SYT1: variants seen among roughly 807,000 people sequenced by gnomAD.
SYT1 encodes the protein synaptotagmin-1.
In SYT1, 8 loss-of-function variants were observed where a neutral mutation model predicts 44.8. The ratio of observed to expected loss-of-function variants is 0.18; its 90% CI spans 0.10 to 0.32. SYT1 has a LOEUF of 0.32. Ranked by LOEUF, SYT1 falls within the 10% of genes least tolerant of loss-of-function variation. SYT1 has a pLI of 1.00. For synonymous variants in SYT1, 154 were observed against 188.8 expected, an observed-to-expected ratio of 0.82 and a Z score of 1.51; for missense variants, 286 against 509.3, an observed-to-expected ratio of 0.56 and a Z score of 4.22.
At chr12:79,317,332 G>A (rs759876919) in intron 8 of SYT1, among the ~76,000 whole-genome samples, 4 of 152,128 alleles carry the variant, frequency 2.6e-5, no homozygotes, top group East Asian at 3.9e-4. Flanking sequence ...AACAACTTCC[G>A]GCACTGGCTG....
At chr12:79,240,149 A>C (rs1318607870) in intron 4 of SYT1, among the ~76,000 whole-genome samples, 1 of 152,206 alleles carries the variant, frequency 6.6e-6, no homozygotes, top group African/African-American at 2.4e-5. Flanking sequence ...AGAGTCTTGA[A>C]AACCATCTTA....
chr12:79,443,326 A>C (rs1593071524), intron 9 of SYT1, among the ~76,000 whole-genome samples: 1 of 152,268 alleles, frequency 6.6e-6, no homozygotes, highest in East Asian at 1.9e-4. Flanking sequence ...GCAATCTAAA[A>C]CCTAAATTCC....
At chr12:79,089,956 A>G (rs1017855871) in intron 3 of SYT1, among the ~76,000 whole-genome samples, 2 of 152,046 alleles carry the variant, frequency 1.3e-5, no homozygotes, top group African/African-American at 4.8e-5. Flanking sequence ...TCCCCATGTG[A>G]TTATTCCAAC....
At chr12:78,876,553 G>A (rs1874087002) in intron 1 of SYT1, among the ~76,000 whole-genome samples, 2 of 129,798 alleles carry the variant, frequency 1.5e-5, no homozygotes, top group Non-Finnish European at 3.2e-5. Flanking sequence ...ATATATGAGT[G>A]TGTGTATATA....
At chr12:79,389,284 A>C (rs1884561606) in intron 9 of SYT1, among the ~76,000 whole-genome samples, 1 of 152,150 alleles carries the variant, frequency 6.6e-6, no homozygotes, top group Non-Finnish European at 1.5e-5. Context: ...AAGACACTGA[A>C]TCTATATTAC....
intron 4 of SYT1, among the ~76,000 whole-genome samples, chr12:79,279,967 A>G (rs1878956987): frequency 6.6e-6 from 1 of 152,184 alleles, no homozygotes; most frequent in African/African-American, 2.4e-5. Context: ...GGAGAACTAC[A>G]AAACACTGAT....
At position 79,019,764 on chromosome 12, in the gene SYT1, G is replaced by A. The variant is rs894488534; in HGVS notation, c.-83-27533G>A. On this transcript the variant is annotated intron_variant, in intron 2 of 10. Transcript: ENST00000261205. ...TAAAACTGCTGATTAGAGAAACCAGGAGTAAAATTTGTCAGTGAAACAAAA... is the reference window on the plus strand; with the variant it reads ...TAAAACTGCTGATTAGAGAAACCAGAAGTAAAATTTGTCAGTGAAACAAAA... Among the ~76,000 whole-genome samples the A allele has an allele frequency of 2.0e-5, 3 of 151,888 alleles. No homozygotes were observed. The Admixed American group carries it at 2.0e-4, about 10-fold the overall frequency.
chr12:79,275,081 A>T (rs2138785583), intron 4 of SYT1, among the ~76,000 whole-genome samples: 1 of 151,898 alleles, frequency 6.6e-6, no homozygotes, highest in South Asian at 2.1e-4. Flanking sequence ...AGGGACTGCC[A>T]CTCCTAGGGG....
intron 3 of SYT1, among the ~76,000 whole-genome samples, chr12:79,138,643 T>TTGTG (rs544735626): frequency 1.1e-3 from 165 of 152,252 alleles, no homozygotes; most frequent in African/African-American, 3.6e-3. Context: ...TACATATTAT[T>TTGTG]TGTGTGTGTG....
At chr12:79,314,490 A>G (rs936591597) in intron 8 of SYT1, among the ~76,000 whole-genome samples, 4 of 152,198 alleles carry the variant, frequency 2.6e-5, no homozygotes, top group Admixed American at 2.6e-4. Context: ...GTGATTGTGC[A>G]CCAATTAATT....
At chr12:78,893,663 T>A (rs1016437286) in intron 1 of SYT1, among the ~76,000 whole-genome samples, 3 of 151,788 alleles carry the variant, frequency 2.0e-5, no homozygotes, top group African/African-American at 7.2e-5. Context: ...CAATATGTTA[T>A]GAAAACAAAC....
chr12:79,006,554 A>T (rs1681942654), intron 2 of SYT1, among the ~76,000 whole-genome samples: 1 of 152,096 alleles, frequency 6.6e-6, no homozygotes, highest in South Asian at 2.1e-4. Flanking sequence ...CAGTAGGGAT[A>T]AGTATTTGGT....
intron 9 of SYT1, among the ~76,000 whole-genome samples, chr12:79,361,809 A>G (rs960925193): frequency 1.3e-5 from 2 of 152,234 alleles, no homozygotes; most frequent in African/African-American, 4.8e-5. Flanking sequence ...ATGGTAGAAG[A>G]GAGTCCAAGT....
chr12:78,971,043 G>A (rs1262680980), intron 1 of SYT1, among the ~76,000 whole-genome samples: 9 of 152,112 alleles, frequency 5.9e-5, no homozygotes. Flanking sequence ...GCATGCCTGT[G>A]ATCCTAGCTA....
chr12:79,027,697 A>G lies in SYT1; in HGVS notation c.-83-19600A>G, dbSNP rs192130559. On this transcript the variant is annotated intron_variant, in intron 2 of 10. Coordinates refer to ENST00000261205, the MANE Select transcript of SYT1 (RefSeq NM_005639.3). ...CCCAAAGAAGAAGTCAAACTAAAACATAATATTCTATGGATATTTTAATGT... is the reference window on the plus strand; with the variant it reads ...CCCAAAGAAGAAGTCAAACTAAAACGTAATATTCTATGGATATTTTAATGT... 4.1e-3 allele frequency among the ~76,000 whole-genome samples: 618 copies of G among 151,688 alleles called. 4 individuals are homozygous for G. Among genetic ancestry groups the G allele is most frequent in the Non-Finnish European group, 5.6e-3 (379 of 67,690 alleles).
At position 79,182,363 on chromosome 12, in the gene SYT1, C is replaced by G. The variant is rs181503403; in HGVS notation, c.-17-35140C>G. Among the ~76,000 whole-genome samples, 314 of 152,122 alleles carry G rather than the reference C, an allele frequency of 2.1e-3. 1 individual carries two copies. The highest frequency in any genetic ancestry group is 7.1e-3 in the African/African-American group (296 of 41,536). ...GGTTTTCTTCCTAAATGCTCTTATT[C>G]TCTCTTGTTCATTAGTTTGTCCCAA... On this transcript the variant is annotated intron_variant, in intron 3 of 10. Transcript: ENST00000261205.
At chr12:79,411,014 A>G (rs1868398702) in intron 9 of SYT1, among the ~76,000 whole-genome samples, 1 of 152,212 alleles carries the variant, frequency 6.6e-6, no homozygotes, top group South Asian at 2.1e-4. Context: ...ATTAGTCAGT[A>G]TATTAGATAA....
At chr12:79,130,864 G>C (rs933131565) in intron 3 of SYT1, among the ~76,000 whole-genome samples, 4 of 152,082 alleles carry the variant, frequency 2.6e-5, no homozygotes, top group Non-Finnish European at 5.9e-5. Flanking sequence ...CAGAACCTCA[G>C]TCCCTTCATA....
intron 3 of SYT1, among the ~76,000 whole-genome samples, chr12:79,056,344 GTCCATCAGGA>G (rs1362181265): frequency 6.6e-6 from 1 of 152,020 alleles, no homozygotes; most frequent in African/African-American, 2.4e-5. Context: ...TTTGGGAGGA[GTCCATCAGGA>G]GCCCTCTCCT....
Sources: allele counts gnomAD v4.1 joint callset (sites outside exome capture counted in the v4.1 genomes callset), GRCh38; gene constraint gnomAD v4.1.1; transcripts MANE v1.5; gene names NCBI Gene and HGNC (gene_info 2026-07-23, HGNC 2026-07-21).